PRKCZ: variants seen among roughly 807,000 people sequenced by gnomAD.
The protein encoded by PRKCZ is protein kinase C zeta type.
In PRKCZ, 33 loss-of-function variants were observed where a neutral mutation model predicts 79.5. The ratio of observed to expected loss-of-function variants is 0.41; its 90% CI spans 0.31 to 0.55. PRKCZ has a LOEUF of 0.55. Among genes scored for constraint, PRKCZ ranks in the 20% least tolerant of loss-of-function variants. PRKCZ has a pLI of 0.19. For missense variants in PRKCZ, 578 were observed against 813.5 expected, an observed-to-expected ratio of 0.71 and a Z score of 3.52; for synonymous variants, 342 against 320.9, an observed-to-expected ratio of 1.07 and a Z score of -0.70.
chr1:2,184,772 T>C, intron 17 of PRKCZ, 74 bp downstream of exon 17: 1 of 1,469,002 alleles, frequency 6.8e-7, no homozygotes, highest in East Asian at 2.4e-5. Context: ...CTTGGGCAGC[T>C]GGTGACCCAG....
At chr1:2,161,352 G>C (rs1682259299) in intron 10 of PRKCZ, among the ~76,000 whole-genome samples, 3 of 152,256 alleles carry the variant, frequency 2.0e-5, no homozygotes, top group Non-Finnish European at 4.4e-5. Flanking sequence ...CCAGCATCAG[G>C]GGCCTGGCAG....
At chr1:2,145,898 G>A (rs1571802548) in intron 6 of PRKCZ, 129 bp from the exon 7 acceptor site, 1 of 740,058 alleles carries the variant, frequency 1.4e-6, no homozygotes, top group Non-Finnish European at 2.3e-6. Flanking sequence ...CCTGGATGAT[G>A]ACAGACTGTG....
chr1:2,126,406 C>T (rs563082726), intron 4 of PRKCZ, among the ~76,000 whole-genome samples: 19 of 152,180 alleles, frequency 1.2e-4, no homozygotes, highest in African/African-American at 3.1e-4. Context: ...TCCCCCATCA[C>T]GTGTCCAGAG....
chr1:2,183,838 C>T (rs1378058682), intron 16 of PRKCZ: 2 of 152,252 alleles, frequency 1.3e-5, no homozygotes, highest in African/African-American at 2.4e-5. Flanking sequence ...TCAGGTTCCA[C>T]CTCTCTACAC....
chr1:2,102,731 C>G (rs1057490534), intron 4 of PRKCZ, among the ~76,000 whole-genome samples: 1 of 152,104 alleles, frequency 6.6e-6, no homozygotes, highest in African/African-American at 2.4e-5. Context: ...AGAAAGAGAT[C>G]TAAAAATGCA....
intron 10 of PRKCZ, among the ~76,000 whole-genome samples, chr1:2,162,120 A>G (rs920692591): frequency 3.9e-5 from 6 of 152,120 alleles, no homozygotes; most frequent in African/African-American, 1.4e-4. Flanking sequence ...CAGAAAGAAA[A>G]AGAAACTGGG....
intron 5 of PRKCZ, among the ~76,000 whole-genome samples, chr1:2,138,373 G>C (rs1338281621): frequency 6.6e-6 from 1 of 152,180 alleles, no homozygotes; most frequent in African/African-American, 2.4e-5. Context: ...GAGAGAGCCA[G>C]CGAGGTTCTG....
chr1:2,168,794 G>T lies in PRKCZ; in HGVS notation c.975-724G>T, dbSNP rs774621553. 5.1e-6 allele frequency: 1 copy of T among 195,990 alleles called. No homozygotes were observed. The highest frequency in any genetic ancestry group is 1.1e-5 in the Non-Finnish European group (1 of 92,786). The allele number at this position is 195,990 out of a possible 1,614,324, so 12.1% of individuals were successfully genotyped here. ...AAACAATTCAGGTGCCAGAGGAGCC[G>T]CTGACCTAAAAAAACCCGCCACAGG... On this transcript the variant is annotated intron_variant, in intron 10 of 17. Transcript: ENST00000378567. This position sits in a 1 kb window ranked among gnomAD's most constrained non-coding sequence, Gnocchi z 4.7.
intron 4 of PRKCZ, among the ~76,000 whole-genome samples, chr1:2,107,612 AG>A (rs532277925): frequency 1.1e-3 from 163 of 152,316 alleles, no homozygotes; most frequent in Admixed American, 2.1e-3. Context: ...GAACCCCTGG[AG>A]GAAACACAGG....
At chr1:2,162,829 A>G (rs1036659105) in intron 10 of PRKCZ, among the ~76,000 whole-genome samples, 6 of 152,184 alleles carry the variant, frequency 3.9e-5, no homozygotes, top group African/African-American at 1.4e-4. Flanking sequence ...CAGAGCATCC[A>G]GCAGCAGGCA....
chr1:2,065,306 C>T (rs990116662), intron 4 of PRKCZ, among the ~76,000 whole-genome samples: 1 of 152,124 alleles, frequency 6.6e-6, no homozygotes, highest in South Asian at 2.1e-4. Context: ...TTTACTTTTT[C>T]CTTCCTAATT....
chr1:2,110,088 G>A (rs1288486031), intron 4 of PRKCZ, among the ~76,000 whole-genome samples: 4 of 146,708 alleles, frequency 2.7e-5, no homozygotes, highest in African/African-American at 5.1e-5. Context: ...GATCCCAGAG[G>A]TGAGACACAG....
Position 2,056,531 on chromosome 1 carries a change from C to T in PRKCZ, c.241C>T (p.Arg81Cys), listed in dbSNP as rs757137459. The change falls in exon 3 of 18, where the codon CGC becomes TGC. Residue 81 changes from arginine (R) to cysteine (C), a missense_variant. By Grantham distance (180) the Arg-to-Cys change is radical. Transcript: ENST00000378567. ...CCAGATGGAGCTGGAAGAGGCTTTC[C>T]GCCTGGCCCGTCAGTGCAGGGATGA... ...SSQMELEEAF[R>C]LARQCRDEGL... 26 of 1,613,846 alleles carry T rather than the reference C, an allele frequency of 1.6e-5. No homozygotes were observed. The highest frequency in any genetic ancestry group is 1.1e-4 in the South Asian group (10 of 91,020).
chr1:2,172,861 C>T lies in PRKCZ; in HGVS notation c.1285+473C>T, dbSNP rs527431090. Among the ~76,000 whole-genome samples the T allele has an allele frequency of 1.9e-3, 283 of 152,290 alleles. 2 individuals are homozygous for T. Among genetic ancestry groups the T allele is most frequent in the African/African-American group, 6.2e-3 (259 of 41,552 alleles). ...GGCGTGAAACGGGGACATGGGCACG[C>T]GTGTGCAGCCGTGTGTGCGTGTGTG... On this transcript the variant is annotated intron_variant, in intron 13 of 17. Transcript: ENST00000378567. This position sits in a 1 kb window ranked among gnomAD's most constrained non-coding sequence, Gnocchi z 7.8.
intron 4 of PRKCZ, among the ~76,000 whole-genome samples, chr1:2,108,996 C>A (rs1472412362): frequency 1.3e-5 from 2 of 152,194 alleles, no homozygotes; most frequent in Admixed American, 6.5e-5. Context: ...GTCACCCCAG[C>A]CTCTGCCTCC....
chr1:2,110,975 C>T (rs1426075640), intron 4 of PRKCZ, among the ~76,000 whole-genome samples: 1 of 152,136 alleles, frequency 6.6e-6, no homozygotes, highest in Admixed American at 6.5e-5. Flanking sequence ...GGGTGCGAGG[C>T]CTGCCATCCT....
At chr1:2,060,960 G>A (rs1339344896) in intron 4 of PRKCZ, among the ~76,000 whole-genome samples, 7 of 152,224 alleles carry the variant, frequency 4.6e-5, no homozygotes, top group African/African-American at 1.7e-4. Flanking sequence ...CGCACCCTGG[G>A]AGGGCACGGT....
At chr1:2,083,107 G>A (rs1318316515) in intron 4 of PRKCZ, among the ~76,000 whole-genome samples, 1 of 152,182 alleles carries the variant, frequency 6.6e-6, no homozygotes, top group African/African-American at 2.4e-5. Context: ...CGTATCGTTA[G>A]CGTTTCCCCT....
chr1:2,097,706 G>C (rs1666762779), intron 4 of PRKCZ, among the ~76,000 whole-genome samples: 1 of 152,344 alleles, frequency 6.6e-6, no homozygotes, highest in Middle Eastern at 3.4e-3. Context: ...CGTGCCAGGG[G>C]GGCCCAGGCT....
Sources: allele counts gnomAD v4.1 joint callset (sites outside exome capture counted in the v4.1 genomes callset), GRCh38; gene constraint gnomAD v4.1.1; non-coding constraint Gnocchi (gnomAD v3.1); transcripts MANE v1.5; gene names NCBI Gene and HGNC (gene_info 2026-07-23, HGNC 2026-07-21).